Variants in METTL23 observed in about 807,000 individuals in gnomAD.
The protein encoded by METTL23 is methyltransferase 23, arginine, also known as histone-arginine methyltransferase METTL23.
In METTL23, 24 loss-of-function variants were observed where a neutral mutation model predicts 21.2. That is an observed-to-expected ratio of 1.13 (90% CI 0.82 to 1.59). The LOEUF (loss-of-function observed/expected upper bound fraction) is 1.59, where lower values mean the gene tolerates loss of function less well. Among genes scored for constraint, METTL23 ranks in the 40% most tolerant of loss-of-function variants. The pLI, the probability that METTL23 is intolerant of heterozygous loss-of-function variation, is 0.00. For synonymous variants in METTL23, 97 were observed against 75.2 expected, an observed-to-expected ratio of 1.29 and a Z score of -1.50; for missense variants, 276 against 221.4, an observed-to-expected ratio of 1.25 and a Z score of -1.57.
chr17:76,727,961 G>C (rs1050977580), intron 1 of METTL23, among the ~76,000 whole-genome samples: 3 of 152,218 alleles, frequency 2.0e-5, no homozygotes, highest in East Asian at 1.9e-4. Flanking sequence ...TGTGAGGCAT[G>C]TCCCATGCTA....
At chr17:76,729,901 G>T (rs1384036221) in intron 2 of METTL23, 107 bp downstream of exon 2, 20 of 814,402 alleles carry the variant, frequency 2.5e-5, no homozygotes, top group Non-Finnish European at 3.6e-5. Flanking sequence ...TTTTAAATCG[G>T]GTAATTTAGC....
At chr17:76,726,546 C>T (rs76209526), upstream of METTL23, 922 of 1,512,604 alleles carry the variant, frequency 6.1e-4, 10 homozygotes, top group African/African-American at 0.012. Flanking sequence ...CGCACCCCTC[C>T]CCGGCCTGGG....
upstream of METTL23, chr17:76,726,317 G>A: frequency 1.3e-6 from 2 of 1,539,390 alleles, no homozygotes; most frequent in African/African-American, 1.4e-5. Context: ...GCCGATGCCC[G>A]GCCTGGCCAC....
Position 76,733,776 on chromosome 17 carries a change from G to A in METTL23, c.*90G>A. The A allele has an allele frequency of 2.5e-6, 3 of 1,182,308 alleles. No homozygotes were observed. The highest frequency in any genetic ancestry group is 2.0e-4 in the Middle Eastern group (1 of 4,910). The allele number at this position is 1,182,308 out of a possible 1,614,324, so 73.2% of individuals were successfully genotyped here. On this transcript the variant is annotated 3_prime_UTR_variant, in exon 5 of 5. Transcript: ENST00000341249. Reference sequence around the variant, plus strand: ...GAGCAGACCACTTCAGCTTGAGAATGCAGTGGGTCTGAAGATGGTCAAGTC... The same window carrying A: ...GAGCAGACCACTTCAGCTTGAGAATACAGTGGGTCTGAAGATGGTCAAGTC...
chr17:76,726,581 G>A (rs1439073224), upstream of METTL23: 4 of 1,419,450 alleles, frequency 2.8e-6, no homozygotes, highest in Admixed American at 2.5e-5. Context: ...GTACCCAAAC[G>A]CCCTTCGCTC....
Position 76,733,318 on chromosome 17 carries a change from A to G in METTL23, c.348A>G (p.Ile116Met), listed in dbSNP as rs201149370. 261 of 1,613,842 alleles carry G rather than the reference A, an allele frequency of 1.6e-4. No individual in the cohort carries two copies. Among genetic ancestry groups the G allele is most frequent in the Non-Finnish European group, 2.1e-4 (244 of 1,179,874 alleles). ...ATTTTGAAGACATTTTGGCTACAAT[A>G]TATTTTTTGATGCACAAGAATCCCA... ...PEDFEDILAT[I>M]YFLMHKNPKV... The change falls in exon 4 of 5, where the codon ATA becomes ATG. Residue 116 changes from isoleucine to methionine, a missense_variant. Transcript: ENST00000341249.
intron 2 of METTL23, among the ~76,000 whole-genome samples, chr17:76,732,141 TGAG>T (rs1450282466): frequency 1.1e-4 from 16 of 143,940 alleles, no homozygotes; most frequent in African/African-American, 4.4e-4. Flanking sequence ...GTGGATCACT[TGAG>T]GTCAGGAGTT....
At position 76,733,076 on chromosome 17, in the gene METTL23, C is replaced by CT. The variant is rs2077298444; in HGVS notation, c.184dup (p.Cys62LeufsTer9). The CT allele has an allele frequency of 1.2e-6, 2 of 1,609,550 alleles. No individual in the cohort carries two copies. The highest frequency in any genetic ancestry group is 1.7e-6 in the Non-Finnish European group (2 of 1,177,728). Reference sequence around the variant, plus strand: ...CAGAACTGCCTCACTGTCTGGAAGTCTGTCGGCAAAGCTGCCAAATGAATA... The same window carrying CT: ...CAGAACTGCCTCACTGTCTGGAAGTCTTGTCGGCAAAGCTGCCAAATGAATA... On this transcript the variant is annotated frameshift_variant, in exon 3 of 5. Coordinates refer to ENST00000341249, the MANE Select transcript of METTL23 (RefSeq NM_001080510.5). LOFTEE classifies it high-confidence loss of function.
At position 76,733,803 on chromosome 17, in the gene METTL23, G is replaced by GT; in HGVS notation, c.*120dup. 1 of 862,252 alleles carries GT rather than the reference G, an allele frequency of 1.2e-6. No individual in the cohort carries two copies. The highest frequency in any genetic ancestry group is 2.1e-5 in the South Asian group (1 of 46,626). 53.4% of individuals were successfully genotyped at this position (862,252 alleles called of 1,614,324 possible). The stretch of plus-strand genomic sequence containing the variant: ...AGTGGGTCTGAAGATGGTCAAGTCT[G>GT]TTTGCCTTAGATTTTGATGTCACCT... On this transcript the variant is annotated 3_prime_UTR_variant, in exon 5 of 5. Coordinates refer to ENST00000341249, the MANE Select transcript of METTL23 (RefSeq NM_001080510.5).
rs893108909 is a variant in METTL23, at chr17:76,733,216, G to T, written c.322+1G>T. 2.5e-6 allele frequency: 4 copies of T among 1,613,366 alleles called. No homozygotes were observed. The highest frequency in any genetic ancestry group is 2.7e-5 in the African/African-American group (2 of 74,930). ...TCTGATGTGTTCTTTGAACCAGAAG[G>T]TAAGCTTTTTTGGCTCAATAGTACA... On this transcript the variant is annotated splice_donor_variant, in intron 3 of 4. Transcript: ENST00000341249. LOFTEE classifies it high-confidence loss of function.
rs758439643 is a variant in METTL23, at chr17:76,726,909, T to C, written c.-291T>C. On this transcript the variant is annotated 5_prime_UTR_variant, in exon 1 of 5. Coordinates refer to ENST00000341249, the MANE Select transcript of METTL23 (RefSeq NM_001080510.5). Reference sequence around the variant, plus strand: ...GTCTCTTTCGCCTTGCTCCGGGCTTTCTTCGCTCGCAGCGCGGCAGGGTTA... The same window carrying C: ...GTCTCTTTCGCCTTGCTCCGGGCTTCCTTCGCTCGCAGCGCGGCAGGGTTA... The C allele has an allele frequency of 6.6e-6, 3 of 453,694 alleles. No homozygotes were observed. The highest frequency in any genetic ancestry group is 4.7e-5 in the South Asian group (3 of 64,512). The allele number at this position is 453,694 out of a possible 1,614,324, so 28.1% of individuals were successfully genotyped here.
chr17:76,728,416 T>TTTTTTTTTTTGTTTTGTTTTGTTTG lies in METTL23; in HGVS notation c.-22+1248_-22+1249insGTTTTGTTTTGTTTGTTTTTTTTTT, dbSNP rs1428084962. Among the ~76,000 whole-genome samples, 102 of 5,208 alleles carry TTTTTTTTTTTGTTTTGTTTTGTTTG rather than the reference T, an allele frequency of 0.02. No homozygotes were observed. The South Asian group carries it at 0.34, about 18-fold the overall frequency. 3.4% of individuals were successfully genotyped at this position (5,208 alleles called of 152,430 possible). On this transcript the variant is annotated intron_variant, in intron 1 of 4. Transcript: ENST00000341249. The stretch of plus-strand genomic sequence containing the variant: ...ACACCCAATCTGGCTTCACGGATTT[T>TTTTTTTTTTTGTTTTGTTTTGTTTG]TTTTTTTTTTTTTGGAGATGGAGTC...
chr17:76,727,231 G>A, intron 1 of METTL23, 53 bp downstream of exon 1: 1 of 356,236 alleles, frequency 2.8e-6, no homozygotes, highest in Non-Finnish European at 5.6e-6. Flanking sequence ...GCGGATGTCG[G>A]CTGACTTGGC....
intron 1 of METTL23, chr17:76,727,430 G>A (rs2076990810): frequency 4.3e-6 from 1 of 231,332 alleles, no homozygotes; most frequent in Admixed American, 5.2e-5. Context: ...CGAACTGTAA[G>A]CTTAAGTGAT....
In METTL23 at chr17:76,726,954, C is replaced by T. The variant is rs1177966995; in HGVS notation, c.-246C>T. ...GGGTTATCACCAGATCTGGGCTTTC[C>T]CCTTCTTGCCGTCAGGTGCTACGGC... On this transcript the variant is annotated 5_prime_UTR_variant, in exon 1 of 5. Transcript: ENST00000341249. 3 of 456,694 alleles carry T rather than the reference C, an allele frequency of 6.6e-6. No homozygotes were observed. The highest frequency in any genetic ancestry group is 4.7e-5 in the Admixed American group (2 of 42,562). The allele number at this position is 456,694 out of a possible 1,614,324, so 28.3% of individuals were successfully genotyped here. A position where few individuals can be genotyped will look rare whatever the true frequency, so the allele number is the denominator to read the frequency against.
intron 4 of METTL23, 36 bp from the exon 5 acceptor site, chr17:76,733,485 G>A (rs775321864): frequency 3.3e-5 from 53 of 1,601,564 alleles, no homozygotes; most frequent in Admixed American, 1.2e-4. Flanking sequence ...AAACAGAAAA[G>A]GCATGACTTT....
chr17:76,733,873 T>G lies in METTL23; in HGVS notation c.*187T>G. On this transcript the variant is annotated 3_prime_UTR_variant, in exon 5 of 5. Coordinates refer to ENST00000341249, the MANE Select transcript of METTL23 (RefSeq NM_001080510.5). ...ATGAAACAAAAATTAAAATACGTAT[T>G]ACAAGTACTTGGATTGTTCCTTAGT... The G allele has an allele frequency of 4.4e-6, 2 of 459,232 alleles. No individual in the cohort carries two copies. Among genetic ancestry groups the G allele is most frequent in the East Asian group, 3.4e-5 (1 of 29,464 alleles). 28.4% of individuals were successfully genotyped at this position (459,232 alleles called of 1,614,324 possible).
intron 1 of METTL23, 124 bp downstream of exon 1, chr17:76,727,302 A>C: frequency 3.1e-6 from 1 of 322,030 alleles, no homozygotes; most frequent in South Asian, 2.4e-5. Flanking sequence ...CTTTAGGTTG[A>C]CCCCCGGAGC....
In METTL23 at chr17:76,732,988, G is replaced by A; in HGVS notation, c.95G>A (p.Gly32Glu). 1 of 1,574,366 alleles carries A rather than the reference G, an allele frequency of 6.4e-7. No individual in the cohort carries two copies. Among genetic ancestry groups the A allele is most frequent in the East Asian group, 2.3e-5 (1 of 43,340 alleles). ...PGKAILEIGA[G>E]VSLPGILAAK... Reference sequence around the variant, plus strand: ...TTCATAACTTATTAGATTGGAGCTGGAGTGAGCCTTCCAGGAATTTTGGCT... The same window carrying A: ...TTCATAACTTATTAGATTGGAGCTGAAGTGAGCCTTCCAGGAATTTTGGCT... The change falls in exon 3 of 5, where the codon GGA becomes GAA. Residue 32 changes from glycine (G) to glutamate (E), a missense_variant. Physicochemically the swap from Gly to Glu is moderately conservative, Grantham distance 98. Coordinates refer to ENST00000341249, the MANE Select transcript of METTL23 (RefSeq NM_001080510.5).
Sources: allele counts gnomAD v4.1 joint callset (sites outside exome capture counted in the v4.1 genomes callset), GRCh38; gene constraint gnomAD v4.1.1; transcripts MANE v1.5; gene names NCBI Gene and HGNC (gene_info 2026-07-23, HGNC 2026-07-21).